Variants in CDH10 observed in about 807,000 individuals in gnomAD.
CDH10 encodes the protein cadherin 10.
A neutral mutation model predicts 73.1 loss-of-function variants in CDH10; 30 were observed. The ratio of observed to expected loss-of-function variants is 0.41; its 90% confidence interval spans 0.31 to 0.56. CDH10 has a LOEUF of 0.56. CDH10 is among the 20% of genes least tolerant of loss of function. CDH10 has a pLI of 0.27. For synonymous variants in CDH10, 345 were observed against 348.2 expected, an observed-to-expected ratio of 0.99 and a Z score of 0.10; for missense variants, 815 against 973.7, an observed-to-expected ratio of 0.84 and a Z score of 2.17.
At chr5:24,591,756 AG>A (rs1189116165) in intron 2 of CDH10, among the ~76,000 whole-genome samples, 3 of 151,916 alleles carry the variant, frequency 2.0e-5, no homozygotes, top group Non-Finnish European at 4.4e-5. Context: ...CTTGATTTCA[AG>A]GTGTTGATAT....
chr5:24,548,620 A>G lies in CDH10; in HGVS notation c.232-10946T>C, dbSNP rs184613016. ...TAAATGTTAAGCAGATCTAAAAAAT[A>G]CCTTCATAGCCACAATGAGACTAGT... On this transcript the variant is annotated intron_variant, in intron 2 of 11. Transcript: ENST00000264463. 2.0e-5 allele frequency among the ~76,000 whole-genome samples: 3 copies of G among 151,918 alleles called. No individual in the cohort carries two copies. In the East Asian group the frequency reaches 5.8e-4, roughly 29 times the overall value.
At chr5:24,567,249 A>G (rs1315842549) in intron 2 of CDH10, among the ~76,000 whole-genome samples, 2 of 152,010 alleles carry the variant, frequency 1.3e-5, no homozygotes, top group Admixed American at 6.6e-5. Context: ...ACTAATTGTG[A>G]CAGTGTAAAT....
Position 24,535,197 on chromosome 5 carries a change from G to A in CDH10, c.729C>T (p.Gly243=), listed in dbSNP as rs761042998. The A allele has an allele frequency of 4.3e-6, 7 of 1,613,246 alleles. No homozygotes were observed. Among genetic ancestry groups the A allele is most frequent in the Admixed American group, 1.7e-5 (1 of 59,898 alleles). ...TCCCCGATAAGCCTCCCATCTGGCCGCCCATGTCTTTGGCCTGGATGACCA... is the reference window on the plus strand; with the variant it reads ...TCCCCGATAAGCCTCCCATCTGGCCACCCATGTCTTTGGCCTGGATGACCA... The part of the protein sequence containing the change: ...YQVVIQAKDM[G]GQMGGLSGTT... The change falls in exon 5 of 12, where the codon GGC becomes GGT. Residue 243 remains glycine, a synonymous_variant. Transcript: ENST00000264463.
At chr5:24,600,990 T>C (rs74477396) in intron 1 of CDH10, among the ~76,000 whole-genome samples, 11 of 152,126 alleles carry the variant, frequency 7.2e-5, no homozygotes, top group Non-Finnish European at 1.3e-4. Context: ...GCTTTTTTTT[T>C]CTTAAAAAAA....
intron 1 of CDH10, among the ~76,000 whole-genome samples, chr5:24,631,808 A>T (rs913632394): frequency 1.3e-5 from 2 of 152,100 alleles, no homozygotes; most frequent in African/African-American, 4.8e-5. Flanking sequence ...TATATATATT[A>T]AAACTCTAAA....
At chr5:24,527,095 C>A (rs927881094) in intron 5 of CDH10, among the ~76,000 whole-genome samples, 1 of 150,304 alleles carries the variant, frequency 6.7e-6, no homozygotes, top group Non-Finnish European at 1.5e-5. Context: ...ATTATTTAGA[C>A]AATTATGGCA....
intron 5 of CDH10, among the ~76,000 whole-genome samples, chr5:24,533,898 C>T (rs1465002448): frequency 5.3e-5 from 8 of 152,086 alleles, no homozygotes; most frequent in East Asian, 1.9e-4. Flanking sequence ...GATGGGCATA[C>T]GTTAAATATC....
intron 8 of CDH10, among the ~76,000 whole-genome samples, chr5:24,504,427 T>G (rs1327799901): frequency 6.6e-6 from 1 of 151,282 alleles, no homozygotes; most frequent in African/African-American, 2.4e-5. Flanking sequence ...CATTTCAGTT[T>G]TGCCACTTCA....
At position 24,487,557 on chromosome 5, in the gene CDH10, A is replaced by T; in HGVS notation, c.*106T>A. ...AATTAAGAAGTAAATGAGAAAAAAA[A>T]TTGTGCTGACTGGCAGGAAAATGCT... On this transcript the variant is annotated 3_prime_UTR_variant, in exon 12 of 12. Transcript: ENST00000264463. 2 of 1,092,684 alleles carry T rather than the reference A, an allele frequency of 1.8e-6. No homozygotes were observed. Among genetic ancestry groups the T allele is most frequent in the South Asian group, 3.2e-5 (2 of 62,954 alleles). The allele number at this position is 1,092,684 out of a possible 1,614,324, so 67.7% of individuals were successfully genotyped here.
intron 1 of CDH10, among the ~76,000 whole-genome samples, chr5:24,614,031 G>A (rs1747047617): frequency 6.6e-6 from 1 of 152,010 alleles, no homozygotes; most frequent in Admixed American, 6.6e-5. Flanking sequence ...GTGCATTCCG[G>A]AACAGTATAA....
At chr5:24,641,926 T>A (rs1021814072) in intron 1 of CDH10, among the ~76,000 whole-genome samples, 1 of 152,138 alleles carries the variant, frequency 6.6e-6, no homozygotes, top group Admixed American at 6.6e-5. Flanking sequence ...AAATTACTTA[T>A]AATTGGCATA....
intron 2 of CDH10, among the ~76,000 whole-genome samples, chr5:24,588,073 T>C (rs72752027): frequency 0.075 from 11,366 of 152,238 alleles, 506 homozygotes; most frequent in Middle Eastern, 0.13. Flanking sequence ...ACATTTTGCA[T>C]GTGTGTATGA....
At chr5:24,639,044 T>A (rs1388530641) in intron 1 of CDH10, among the ~76,000 whole-genome samples, 5 of 151,762 alleles carry the variant, frequency 3.3e-5, no homozygotes, top group Admixed American at 6.6e-5. Flanking sequence ...TAAATACACT[T>A]TAGAGGTTGA....
At chr5:24,539,356 C>G (rs185433854) in intron 2 of CDH10, among the ~76,000 whole-genome samples, 184 of 151,940 alleles carry the variant, frequency 1.2e-3, no homozygotes, top group Non-Finnish European at 2.2e-3. Flanking sequence ...CTTATGAGAA[C>G]TTATTTCAAT....
chr5:24,562,703 A>T (rs1745002724), intron 2 of CDH10, among the ~76,000 whole-genome samples: 1 of 152,164 alleles, frequency 6.6e-6, no homozygotes, highest in Non-Finnish European at 1.5e-5. Context: ...ACAGAGAGAG[A>T]ACATCTATTC....
At chr5:24,494,098 T>C (rs1450563551) in intron 9 of CDH10, among the ~76,000 whole-genome samples, 1 of 151,964 alleles carries the variant, frequency 6.6e-6, no homozygotes, top group African/African-American at 2.4e-5. Context: ...ATTTATTGCC[T>C]AGAAATAAGC....
intron 8 of CDH10, among the ~76,000 whole-genome samples, chr5:24,503,698 C>T (rs1027577930): frequency 3.9e-5 from 6 of 152,122 alleles, no homozygotes; most frequent in Non-Finnish European, 8.8e-5. Context: ...CTCAGTTGTG[C>T]TACCTCTGAC....
intron 1 of CDH10, among the ~76,000 whole-genome samples, chr5:24,618,633 A>C (rs1338613951): frequency 3.3e-5 from 5 of 152,246 alleles, no homozygotes; most frequent in Non-Finnish European, 7.3e-5. Flanking sequence ...TTAAGCGAAT[A>C]GTCCAGTAAC....
At chr5:24,629,014 C>T (rs1747610355) in intron 1 of CDH10, among the ~76,000 whole-genome samples, 1 of 152,134 alleles carries the variant, frequency 6.6e-6, no homozygotes, top group Admixed American at 6.5e-5. Context: ...TATTTTATTT[C>T]TCAAAGATAT....
Sources: gnomAD v4.1 joint callset for allele counts (sites outside exome capture counted in the v4.1 genomes callset) on GRCh38, gnomAD v4.1.1 for gene constraint, MANE v1.5 for transcripts, NCBI Gene and HGNC (gene_info 2026-07-23, HGNC 2026-07-21) for gene names.